ATG10: variants seen among roughly 807,000 people sequenced by gnomAD.
The protein encoded by ATG10 is autophagy related 10, also known as ubiquitin-like-conjugating enzyme ATG10.
ATG10 carries 30 observed loss-of-function variants against 32.1 expected under a neutral mutation model. The ratio of observed to expected loss-of-function variants is 0.94; its 90% confidence interval spans 0.70 to 1.27. The LOEUF is 1.27. ATG10 is among the 50% of genes most tolerant of loss of function. The pLI, the probability that ATG10 is intolerant of heterozygous loss-of-function variation, is 0.00. For synonymous variants in ATG10, 87 were observed against 91.5 expected, an observed-to-expected ratio of 0.95 and a Z score of 0.28; for missense variants, 233 against 262.3, an observed-to-expected ratio of 0.89 and a Z score of 0.77.
intron 1 of ATG10, chr5:81,972,615 T>C (rs1434481810): frequency 2.6e-5 from 4 of 152,236 alleles, no homozygotes; most frequent in African/African-American, 9.6e-5. Flanking sequence ...ACTTTGTGTT[T>C]AAAATCCACA....
intron 2 of ATG10, among the ~76,000 whole-genome samples, chr5:82,033,976 TA>T (rs1244800583): frequency 7.0e-6 from 1 of 143,378 alleles, no homozygotes; most frequent in African/African-American, 2.8e-5. Flanking sequence ...ATAGTATATA[TA>T]CATACATGTA....
At chr5:82,066,179 A>C (rs1763937951) in intron 3 of ATG10, among the ~76,000 whole-genome samples, 1 of 152,090 alleles carries the variant, frequency 6.6e-6, no homozygotes, top group African/African-American at 2.4e-5. Flanking sequence ...TAATGTCTTC[A>C]TTTATGAAGT....
At chr5:81,986,366 A>G (rs1761272783) in intron 1 of ATG10, among the ~76,000 whole-genome samples, 1 of 152,230 alleles carries the variant, frequency 6.6e-6, no homozygotes, top group African/African-American at 2.4e-5. Context: ...AGTTGGTTAG[A>G]TGGAGGTTGG....
chr5:82,003,706 A>T (rs926051731), intron 2 of ATG10, among the ~76,000 whole-genome samples: 1 of 152,122 alleles, frequency 6.6e-6, no homozygotes. Context: ...TAGGACATCA[A>T]CTCCTTGGTA....
intron 3 of ATG10, 82 bp downstream of exon 3, chr5:82,058,684 A>AT (rs1000281187): frequency 4.4e-5 from 37 of 835,600 alleles, no homozygotes; most frequent in Admixed American, 2.1e-4. Context: ...ACTCCATCGC[A>AT]TTCCATCCTA....
In ATG10 at chr5:82,254,314, T is replaced by G. The variant is rs1465017619; in HGVS notation, c.*251T>G. 1.3e-5 allele frequency: 2 copies of G among 152,312 alleles called. No homozygotes were observed. The highest frequency in any genetic ancestry group is 2.9e-5 in the Non-Finnish European group (2 of 68,114). 9.4% of individuals were successfully genotyped at this position (152,312 alleles called of 1,614,324 possible). ...GCTCACACCTGTAATCCAAGCACTTTGGGAGGCCAAGGTGGGAGCATCACT... is the reference window on the plus strand; with the variant it reads ...GCTCACACCTGTAATCCAAGCACTTGGGGAGGCCAAGGTGGGAGCATCACT... On this transcript the variant is annotated 3_prime_UTR_variant, in exon 8 of 8. Transcript: ENST00000282185.
At chr5:82,102,188 A>G (rs1163092313) in intron 3 of ATG10, among the ~76,000 whole-genome samples, 1 of 152,224 alleles carries the variant, frequency 6.6e-6, no homozygotes, top group Non-Finnish European at 1.5e-5. Context: ...TGAAATGTAT[A>G]GCCTCAGTCT....
chr5:82,025,762 A>AG (rs1410801638), intron 2 of ATG10, among the ~76,000 whole-genome samples: 1 of 152,188 alleles, frequency 6.6e-6, no homozygotes, highest in East Asian at 1.9e-4. Flanking sequence ...AAAAAGCTTT[A>AG]GGTGTAGCAC....
chr5:82,201,585 A>G (rs1581796941), intron 5 of ATG10, among the ~76,000 whole-genome samples: 1 of 152,280 alleles, frequency 6.6e-6, no homozygotes, highest in East Asian at 1.9e-4. Flanking sequence ...CCCTGTCTCT[A>G]AAGAATGAGT....
chr5:82,128,284 T>A (rs1766363105), intron 3 of ATG10, among the ~76,000 whole-genome samples: 1 of 152,092 alleles, frequency 6.6e-6, no homozygotes, highest in African/African-American at 2.4e-5. Context: ...TTTAGCCTGT[T>A]ACATTTATGG....
chr5:82,237,356 A>C (rs940205192), intron 5 of ATG10, among the ~76,000 whole-genome samples: 1 of 152,092 alleles, frequency 6.6e-6, no homozygotes, highest in Admixed American at 6.6e-5. Context: ...ATTTTTAAGA[A>C]GTCTTGGCCG....
At chr5:81,993,296 TCTTTC>T (rs1179995077) in intron 2 of ATG10, among the ~76,000 whole-genome samples, 3 of 118,174 alleles carry the variant, frequency 2.5e-5, no homozygotes, top group Non-Finnish European at 3.6e-5. Flanking sequence ...TTTCCTTCTT[TCTTTC>T]CTTTCTTTCC....
In ATG10 at chr5:82,153,442, G is replaced by T. The variant is rs1767683109; in HGVS notation, c.217-10957G>T. The stretch of plus-strand genomic sequence containing the variant: ...GTAGGCAGACACTTTTTAGTGGGCT[G>T]CAGCAAGAGTTTATCGGGAAGAAGC... On this transcript the variant is annotated intron_variant, in intron 3 of 7. Transcript: ENST00000282185. 2.6e-5 allele frequency among the ~76,000 whole-genome samples: 4 copies of T among 152,160 alleles called. No individual in the cohort carries two copies. The South Asian group carries it at 8.3e-4, about 32-fold the overall frequency.
chr5:82,000,391 C>A (rs1761812829), intron 2 of ATG10, among the ~76,000 whole-genome samples: 1 of 152,096 alleles, frequency 6.6e-6, no homozygotes, highest in South Asian at 2.1e-4. Flanking sequence ...GAAAGCTTCC[C>A]CTTAAAAACC....
intron 3 of ATG10, among the ~76,000 whole-genome samples, chr5:82,146,613 GT>G (rs769828810): frequency 0.011 from 1,450 of 136,094 alleles, 9 homozygotes; most frequent in Non-Finnish European, 0.014. Context: ...ATTTTCTTTT[GT>G]TTTTTTTTTT....
intron 3 of ATG10, among the ~76,000 whole-genome samples, chr5:82,127,820 A>G (rs1279228505): frequency 2.0e-5 from 3 of 152,150 alleles, no homozygotes; most frequent in Non-Finnish European, 4.4e-5. Flanking sequence ...AGCCGAGTTC[A>G]AGTCCTGAAT....
chr5:81,978,014 C>T (rs867312110), intron 1 of ATG10, among the ~76,000 whole-genome samples: 5 of 152,102 alleles, frequency 3.3e-5, no homozygotes, highest in Non-Finnish European at 7.4e-5. Context: ...ATTTTAAAGA[C>T]ACTTTGCTCT....
intron 5 of ATG10, among the ~76,000 whole-genome samples, chr5:82,223,879 G>A (rs1383339477): frequency 6.6e-6 from 1 of 152,120 alleles, no homozygotes; most frequent in East Asian, 1.9e-4. Context: ...GGTAGATGAG[G>A]AAGGAAATGA....
intron 2 of ATG10, chr5:82,009,912 A>G (rs1305294761): frequency 6.2e-7 from 1 of 1,610,958 alleles, no homozygotes; most frequent in Admixed American, 1.7e-5. Context: ...ACCCTGACAC[A>G]TAAACCCTGG....
Sources: gnomAD v4.1 joint callset for allele counts (sites outside exome capture counted in the v4.1 genomes callset) on GRCh38, gnomAD v4.1.1 for gene constraint, MANE v1.5 for transcripts, NCBI Gene and HGNC (gene_info 2026-07-23, HGNC 2026-07-21) for gene names.